The following MAML2 variants were observed in gnomAD, a reference collection of about 807,000 sequenced individuals.
MAML2 encodes mastermind-like protein 2.
MAML2 carries 22 observed loss-of-function variants against 96.1 expected under a neutral mutation model. The ratio of observed to expected loss-of-function variants is 0.23; its 90% CI spans 0.16 to 0.33. MAML2 has a LOEUF of 0.33. Ranked by LOEUF, MAML2 falls within the 10% of genes least tolerant of loss-of-function variation. The pLI, the probability that MAML2 is intolerant of heterozygous loss-of-function variation, is 1.00. For synonymous variants in MAML2, 561 were observed against 521.3 expected, an observed-to-expected ratio of 1.08 and a Z score of -1.04; for missense variants, 1,367 against 1,392.4, an observed-to-expected ratio of 0.98 and a Z score of 0.29.
chr11:96,247,628 A>G (rs1862528965), intron 1 of MAML2, among the ~76,000 whole-genome samples: 1 of 152,144 alleles, frequency 6.6e-6, no homozygotes, highest in Non-Finnish European at 1.5e-5. Context: ...CAAACTCAGC[A>G]TCGTTAGTCT....
intron 1 of MAML2, among the ~76,000 whole-genome samples, chr11:96,340,910 G>A (rs1243763240): frequency 1.3e-5 from 2 of 152,132 alleles, no homozygotes; most frequent in Non-Finnish European, 2.9e-5. Flanking sequence ...GAAGAAGAAG[G>A]GGGTCACTTC....
chr11:96,065,029 A>G (rs1415934399), intron 2 of MAML2, among the ~76,000 whole-genome samples: 1 of 152,234 alleles, frequency 6.6e-6, no homozygotes, highest in Non-Finnish European at 1.5e-5. Flanking sequence ...CTGTGTTCTT[A>G]AAAAACTAGA....
chr11:96,152,923 ATCTC>A (rs1860946893), intron 1 of MAML2, among the ~76,000 whole-genome samples: 1 of 152,200 alleles, frequency 6.6e-6, no homozygotes, highest in African/African-American at 2.4e-5. Context: ...TGCTCCATCT[ATCTC>A]TCTCAAGGTG....
chr11:96,073,215 CT>C (rs1413219504), intron 2 of MAML2, among the ~76,000 whole-genome samples: 1 of 152,100 alleles, frequency 6.6e-6, no homozygotes, highest in Non-Finnish European at 1.5e-5. Context: ...CCAATTTAGC[CT>C]TGCATAAAAG....
intron 2 of MAML2, among the ~76,000 whole-genome samples, chr11:96,012,511 T>C (rs1858282567): frequency 6.6e-6 from 1 of 152,206 alleles, no homozygotes; most frequent in Non-Finnish European, 1.5e-5. Context: ...TAATTTCAAA[T>C]GCTACAAACA....
intron 1 of MAML2, among the ~76,000 whole-genome samples, chr11:96,135,701 T>G (rs1860619505): frequency 6.6e-6 from 1 of 152,100 alleles, no homozygotes; most frequent in African/African-American, 2.4e-5. Flanking sequence ...TTGGCATTTT[T>G]TTCCTATCTT....
chr11:96,293,580 C>T (rs1863246040), intron 1 of MAML2, among the ~76,000 whole-genome samples: 1 of 152,048 alleles, frequency 6.6e-6, no homozygotes, highest in Non-Finnish European at 1.5e-5. Context: ...AAGGAAATAG[C>T]AACAGTAACA....
At chr11:96,298,528 C>A (rs1565276933) in intron 1 of MAML2, among the ~76,000 whole-genome samples, 1 of 151,972 alleles carries the variant, frequency 6.6e-6, no homozygotes, top group Non-Finnish European at 1.5e-5. Flanking sequence ...TTGTGAGGTA[C>A]ATGAGACAAG....
intron 1 of MAML2, among the ~76,000 whole-genome samples, chr11:96,251,873 A>G (rs1862586759): frequency 6.6e-6 from 1 of 151,906 alleles, no homozygotes; most frequent in Non-Finnish European, 1.5e-5. Context: ...CTGGGACTAC[A>G]GGCGCCGGCC....
At chr11:95,993,324 T>C (rs1285437252) in intron 2 of MAML2, among the ~76,000 whole-genome samples, 1 of 152,096 alleles carries the variant, frequency 6.6e-6, no homozygotes, top group Non-Finnish European at 1.5e-5. Flanking sequence ...ACCTAGCACT[T>C]TGGGAGGCCG....
intron 1 of MAML2, among the ~76,000 whole-genome samples, chr11:96,278,975 A>AAG (rs1416105433): frequency 6.6e-6 from 1 of 152,178 alleles, no homozygotes; most frequent in Non-Finnish European, 1.5e-5. Context: ...GGAGGACTAG[A>AAG]AGAGATATTT....
intron 2 of MAML2, among the ~76,000 whole-genome samples, chr11:96,069,516 A>G (rs1029904529): frequency 1.3e-5 from 2 of 151,966 alleles, no homozygotes; most frequent in African/African-American, 4.8e-5. Context: ...TCTACAAAAA[A>G]AGTACACAAA....
intron 2 of MAML2, among the ~76,000 whole-genome samples, chr11:96,001,990 A>G (rs1858085177): frequency 6.6e-6 from 1 of 152,132 alleles, no homozygotes; most frequent in South Asian, 2.1e-4. Context: ...TACCAGGTGA[A>G]CATCCTTTTT....
At chr11:96,097,990 T>C (rs911842369) in intron 1 of MAML2, among the ~76,000 whole-genome samples, 1 of 152,232 alleles carries the variant, frequency 6.6e-6, no homozygotes, top group African/African-American at 2.4e-5. Context: ...CCACTAGCCA[T>C]ACTGCTGTCT....
rs189053147 is a variant in MAML2 at position 96,149,604 on chromosome 11, T to C, written c.514-56087A>G. ...AGAATTAGCCGGGCATGGTGGCATG[T>C]GCCTGTAGTCCCAGCTACTCAGGAG... is the stretch of plus-strand genomic sequence containing the variant. On this transcript the variant is annotated intron_variant, in intron 1 of 4. Coordinates refer to ENST00000524717, the MANE Select transcript of MAML2 (RefSeq NM_032427.4). Among the ~76,000 whole-genome samples, 480 of 151,736 alleles carry C rather than the reference T, an allele frequency of 3.2e-3. 2 individuals are homozygous for C. Among genetic ancestry groups the C allele is most frequent in the Middle Eastern group, 0.01 (3 of 294 alleles).
chr11:96,327,703 G>A (rs1209787068), intron 1 of MAML2, among the ~76,000 whole-genome samples: 2 of 152,018 alleles, frequency 1.3e-5, no homozygotes, highest in East Asian at 1.9e-4. Context: ...ACAGGCATGA[G>A]CAACTGCGCC....
chr11:96,082,964 TG>T (rs770308579), intron 2 of MAML2, among the ~76,000 whole-genome samples: 9 of 152,152 alleles, frequency 5.9e-5, no homozygotes, highest in Non-Finnish European at 1.2e-4. Flanking sequence ...TGAAGAATGC[TG>T]GGGTTTGAAC....
chr11:96,044,587 G>A (rs1178341851), intron 2 of MAML2, among the ~76,000 whole-genome samples: 2 of 152,134 alleles, frequency 1.3e-5, no homozygotes, highest in Non-Finnish European at 2.9e-5. Flanking sequence ...AATTATATTT[G>A]GAATGAATGC....
intron 1 of MAML2, among the ~76,000 whole-genome samples, chr11:96,321,969 G>GT (rs1311336704): frequency 1.3e-4 from 19 of 151,896 alleles, no homozygotes; most frequent in African/African-American, 4.4e-4. Flanking sequence ...TGTTGTTGTT[G>GT]TTTTTTTCCT....
Sources: allele counts gnomAD v4.1 joint callset (sites outside exome capture counted in the v4.1 genomes callset), GRCh38; gene constraint gnomAD v4.1.1; transcripts MANE v1.5; gene names NCBI Gene and HGNC (gene_info 2026-07-23, HGNC 2026-07-21).